Variants in CELF2 observed in about 807,000 individuals in gnomAD.
CELF2 encodes the protein CUGBP Elav-like family member 2, also known as CUG triplet repeat RNA-binding protein 2.
CELF2 carries 8 observed loss-of-function variants against 62.6 expected under a neutral mutation model. The ratio of observed to expected loss-of-function variants is 0.13; its 90% CI spans 0.07 to 0.23. The LOEUF (loss-of-function observed/expected upper bound fraction) is 0.23. CELF2 is among the 10% of genes least tolerant of loss of function. CELF2 has a pLI of 1.00. For missense variants in CELF2, 333 were observed against 671.0 expected, an observed-to-expected ratio of 0.50 and a Z score of 5.56; for synonymous variants, 258 against 250.0, an observed-to-expected ratio of 1.03 and a Z score of -0.30.
At chr10:10,649,372 A>G in the CELF2 span, among the ~76,000 whole-genome samples, 1 of 152,202 alleles carries the variant, frequency 6.6e-6, no homozygotes, top group East Asian at 1.9e-4. Context: ...ACTCAGGTCA[A>G]TATTACCAAA....
chr10:10,575,628 G>C, the CELF2 span, among the ~76,000 whole-genome samples: 7 of 152,152 alleles, frequency 4.6e-5, no homozygotes, highest in Non-Finnish European at 1.0e-4. Context: ...CGTGCAGTCT[G>C]TTCCAAGAAT....
chr10:10,738,860 C>T, the CELF2 span, among the ~76,000 whole-genome samples: 2 of 152,136 alleles, frequency 1.3e-5, no homozygotes, highest in South Asian at 4.1e-4. Context: ...GAAATCTGAA[C>T]AAACCGTGGA....
the CELF2 span, among the ~76,000 whole-genome samples, chr10:10,482,933 C>A: frequency 3.9e-5 from 6 of 152,238 alleles, no homozygotes; most frequent in South Asian, 1.2e-3. Context: ...CAGTTTTAAA[C>A]CTGCTCAGCT....
intron 9 of CELF2, among the ~76,000 whole-genome samples, chr10:11,304,411 T>A (rs568905450): frequency 1.3e-5 from 2 of 152,240 alleles, no homozygotes; most frequent in African/African-American, 4.8e-5. Flanking sequence ...CTGTGGCTTA[T>A]AACAGAGTAC....
intron 1 of CELF2, among the ~76,000 whole-genome samples, chr10:11,111,642 T>C (rs2055197370): frequency 6.6e-6 from 1 of 152,206 alleles, no homozygotes; most frequent in South Asian, 2.1e-4. Flanking sequence ...GTCTCTCTTT[T>C]CACATAGGCA....
At chr10:10,602,547 A>T in the CELF2 span, among the ~76,000 whole-genome samples, 6 of 152,172 alleles carry the variant, frequency 3.9e-5, no homozygotes, top group African/African-American at 1.4e-4. Context: ...ACGCAAAGTC[A>T]TTTTCATTTC....
rs568487877 is a variant in CELF2 at position 11,253,342 on chromosome 10, C to G, written c.403+4141C>G. 5.3e-5 allele frequency among the ~76,000 whole-genome samples: 8 copies of G among 152,252 alleles called. No homozygotes were observed. The East Asian group carries it at 5.8e-4, about 11-fold the overall frequency. On this transcript the variant is annotated intron_variant, in intron 4 of 12. Transcript: ENST00000633077. ...TCAAGGCCTCCAAAACCTCCAGTGT[C>G]CAGGTGTCAAGTTCAGAGCTAGCAG...
At chr10:10,759,884 A>G in the CELF2 span, among the ~76,000 whole-genome samples, 1 of 152,168 alleles carries the variant, frequency 6.6e-6, no homozygotes. Context: ...AATAGTAGTT[A>G]AAATAGCCAG....
the CELF2 span, among the ~76,000 whole-genome samples, chr10:10,792,846 T>A: frequency 6.6e-6 from 1 of 152,204 alleles, no homozygotes; most frequent in African/African-American, 2.4e-5. Context: ...TTCCTTTGAA[T>A]GGTATGAAAA....
At chr10:10,719,879 G>C in the CELF2 span, among the ~76,000 whole-genome samples, 1,575 of 152,310 alleles carry the variant, frequency 0.01, 34 homozygotes, top group African/African-American at 0.036. Context: ...GTGGGGATTA[G>C]AGCAATTCAT....
At chr10:10,698,392 A>G in the CELF2 span, among the ~76,000 whole-genome samples, 4 of 152,200 alleles carry the variant, frequency 2.6e-5, no homozygotes, top group African/African-American at 9.7e-5. Flanking sequence ...AACAAAACCA[A>G]CATCTCTCGG....
At chr10:10,485,921 C>T in the CELF2 span, among the ~76,000 whole-genome samples, 2 of 152,068 alleles carry the variant, frequency 1.3e-5, no homozygotes, top group Non-Finnish European at 2.9e-5. Context: ...TGAAATCACC[C>T]CTGTATTCAT....
chr10:11,016,314 G>A, upstream of CELF2, among the ~76,000 whole-genome samples: 1 of 152,166 alleles, frequency 6.6e-6, no homozygotes, highest in East Asian at 1.9e-4. This position sits in a 1 kb window ranked among gnomAD's most constrained non-coding sequence, Gnocchi z 5.2. Context: ...TTCCTTAGGA[G>A]CCCAGACCTG....
intron 2 of CELF2, among the ~76,000 whole-genome samples, chr10:11,205,870 A>G (rs2060311947): frequency 6.6e-6 from 1 of 152,218 alleles, no homozygotes. Context: ...CTCCAGCATC[A>G]TATCCAACAA....
rs1038621807 is a variant in CELF2, at chr10:11,046,534, T to C, written c.74+28371T>C. Reference sequence around the variant, plus strand: ...TCATTAAGACTGTCCTGATTTCTTTTATGTCTTGGGCATGTGGGCTCAGTG... The same window carrying C: ...TCATTAAGACTGTCCTGATTTCTTTCATGTCTTGGGCATGTGGGCTCAGTG... On this transcript the variant is annotated intron_variant, in intron 1 of 12. Transcript: ENST00000633077. The surrounding 1 kb of genome is among the most constrained non-coding windows in gnomAD (Gnocchi z 4.6). 6.6e-6 allele frequency among the ~76,000 whole-genome samples: 1 copy of C among 152,222 alleles called. No individual in the cohort carries two copies. Among genetic ancestry groups the C allele is most frequent in the Admixed American group, 6.5e-5 (1 of 15,292 alleles).
intron 1 of CELF2, among the ~76,000 whole-genome samples, chr10:10,893,556 C>T (rs1051040717): frequency 3.3e-5 from 5 of 152,176 alleles, no homozygotes; most frequent in African/African-American, 1.2e-4. Flanking sequence ...CATCCATTCT[C>T]ACATTGCTAT....
rs2095330028 is a variant in CELF2, at chr10:11,319,890, TG to T, written c.1097-1298del. 2.1e-6 allele frequency: 1 copy of T among 470,820 alleles called. No homozygotes were observed. Among genetic ancestry groups the T allele is most frequent in the African/African-American group, 2.0e-5 (1 of 50,070 alleles). The allele number at this position is 470,820 out of a possible 1,614,324, so 29.2% of individuals were successfully genotyped here. On this transcript the variant is annotated intron_variant, in intron 10 of 12. Transcript: ENST00000633077. This position sits in a 1 kb window ranked among gnomAD's most constrained non-coding sequence, Gnocchi z 4.4. Reference sequence around the variant, plus strand: ...ACCTGCTCTGTTAGGGCAGTAGCGTTGCTGGGCGTGTGGAGGTCACTCTGCT... The same window carrying T: ...ACCTGCTCTGTTAGGGCAGTAGCGTTCTGGGCGTGTGGAGGTCACTCTGCT...
At chr10:11,106,207 T>TTTTATTTATTTATTTA (rs10624331) in intron 1 of CELF2, among the ~76,000 whole-genome samples, 126 of 140,486 alleles carry the variant, frequency 9.0e-4, no homozygotes, top group East Asian at 1.3e-3. Context: ...TTTTACTTTA[T>TTTTATTTATTTATTTA]TTTATTTATT....
the CELF2 span, among the ~76,000 whole-genome samples, chr10:10,737,592 G>A: frequency 1.3e-5 from 2 of 151,992 alleles, no homozygotes; most frequent in African/African-American, 4.8e-5. Context: ...AGCAAGGGGG[G>A]AAGCTTTTCC....
Sources: gnomAD v4.1 joint callset for allele counts (sites outside exome capture counted in the v4.1 genomes callset) on GRCh38, gnomAD v4.1.1 for gene constraint, Gnocchi (gnomAD v3.1) non-coding constraint, MANE v1.5 for transcripts, NCBI Gene and HGNC (gene_info 2026-07-23, HGNC 2026-07-21) for gene names.